MAGI2: variants seen among roughly 807,000 people sequenced by gnomAD.
MAGI2 encodes membrane associated guanylate kinase, WW and PDZ domain containing 2, also known as membrane-associated guanylate kinase, WW and PDZ domain-containing protein 2.
A neutral mutation model predicts 133.3 loss-of-function variants in MAGI2; 35 were observed. That is an observed-to-expected ratio of 0.26 (90% CI 0.20 to 0.35). The LOEUF (loss-of-function observed/expected upper bound fraction) is 0.35. Ranked by LOEUF, MAGI2 falls within the 10% of genes least tolerant of loss-of-function variation. The pLI is 1.00. For missense variants in MAGI2, 1,636 were observed against 1,863.4 expected, an observed-to-expected ratio of 0.88 and a Z score of 2.25; for synonymous variants, 729 against 710.6, an observed-to-expected ratio of 1.03 and a Z score of -0.41.
intron 3 of MAGI2, among the ~76,000 whole-genome samples, chr7:78,600,172 A>C (rs539986265): frequency 5.9e-5 from 9 of 152,312 alleles, no homozygotes; most frequent in Admixed American, 5.2e-4. Context: ...AAATACATAA[A>C]GAATTAAACA....
At chr7:78,439,519 GGGACCTTTGA>G (rs1787389899) in intron 6 of MAGI2, among the ~76,000 whole-genome samples, 1 of 152,108 alleles carries the variant, frequency 6.6e-6, no homozygotes, top group Non-Finnish European at 1.5e-5. Flanking sequence ...AGTAAGATGT[GGGACCTTTGA>G]GGAGGGGGCA....
chr7:78,909,205 A>G (rs1217650803), intron 2 of MAGI2, among the ~76,000 whole-genome samples: 1 of 151,086 alleles, frequency 6.6e-6, no homozygotes, highest in East Asian at 1.9e-4. Flanking sequence ...CAACAAACAT[A>G]TAAAAAGAAG....
chr7:78,024,787 A>G (rs1808752949), intron 21 of MAGI2, among the ~76,000 whole-genome samples: 1 of 151,960 alleles, frequency 6.6e-6, no homozygotes, highest in Non-Finnish European at 1.5e-5. Flanking sequence ...TTCAGAAAAG[A>G]GAAGTATAGT....
At chr7:78,335,986 G>A (rs2151164549) in intron 9 of MAGI2, among the ~76,000 whole-genome samples, 1 of 152,262 alleles carries the variant, frequency 6.6e-6, no homozygotes, top group East Asian at 1.9e-4. Flanking sequence ...TATAGGTCAT[G>A]TCTAAACCGT....
intron 6 of MAGI2, among the ~76,000 whole-genome samples, chr7:78,387,751 A>G (rs1795517152): frequency 6.6e-6 from 1 of 151,988 alleles, no homozygotes; most frequent in South Asian, 2.1e-4. Context: ...ACATGGTGAA[A>G]CCCCATCTCT....
At chr7:78,464,964 G>A (rs1790466659) in intron 6 of MAGI2, among the ~76,000 whole-genome samples, 1 of 152,022 alleles carries the variant, frequency 6.6e-6, no homozygotes, top group Non-Finnish European at 1.5e-5. Context: ...TACTATCATA[G>A]TGCGTATTAT....
chr7:78,959,109 T>G (rs183847022), intron 2 of MAGI2, among the ~76,000 whole-genome samples: 1 of 152,258 alleles, frequency 6.6e-6, no homozygotes, highest in East Asian at 1.9e-4. Context: ...TTTTTATTTT[T>G]TAATAATCTT....
At chr7:78,786,198 C>T (rs898354673) in intron 2 of MAGI2, among the ~76,000 whole-genome samples, 2 of 152,066 alleles carry the variant, frequency 1.3e-5, no homozygotes, top group Non-Finnish European at 2.9e-5. Context: ...TCTCACTCCT[C>T]GCAGCAAATC....
At chr7:78,098,215 C>T (rs773363752) in intron 20 of MAGI2, among the ~76,000 whole-genome samples, 1 of 152,126 alleles carries the variant, frequency 6.6e-6, no homozygotes, top group Non-Finnish European at 1.5e-5. Flanking sequence ...CCTCTCCTCA[C>T]AAAGGTAACG....
At chr7:78,600,294 A>G (rs1584794378) in intron 3 of MAGI2, among the ~76,000 whole-genome samples, 1 of 152,300 alleles carries the variant, frequency 6.6e-6, no homozygotes. Context: ...GCAAATCAAG[A>G]ATAACACAAT....
intron 1 of MAGI2, among the ~76,000 whole-genome samples, chr7:79,398,014 T>C (rs1845185030): frequency 6.6e-6 from 1 of 152,226 alleles, no homozygotes; most frequent in Non-Finnish European, 1.5e-5. Flanking sequence ...GAATTATTTA[T>C]TCTCATATGT....
At chr7:78,263,334 C>T in intron 9 of MAGI2, among the ~76,000 whole-genome samples, 1 of 152,158 alleles carries the variant, frequency 6.6e-6, no homozygotes, top group East Asian at 1.9e-4. Context: ...GATATATACC[C>T]AGTAATGGGA....
chr7:78,824,369 T>A (rs1790440790), intron 2 of MAGI2, among the ~76,000 whole-genome samples: 1 of 152,192 alleles, frequency 6.6e-6, no homozygotes, highest in Non-Finnish European at 1.5e-5. Flanking sequence ...TCCACAGTGG[T>A]TGAACTAATT....
intron 2 of MAGI2, among the ~76,000 whole-genome samples, chr7:78,711,762 G>A (rs1819213692): frequency 6.6e-6 from 1 of 152,210 alleles, no homozygotes; most frequent in Non-Finnish European, 1.5e-5. Flanking sequence ...AAGTTTGATA[G>A]AAGAGAGCGT....
At chr7:78,502,878 T>C (rs1279444274) in intron 4 of MAGI2, among the ~76,000 whole-genome samples, 1 of 151,992 alleles carries the variant, frequency 6.6e-6, no homozygotes, top group Non-Finnish European at 1.5e-5. Context: ...CGACAAACAA[T>C]AGAAGAAAAT....
At chr7:78,612,162 T>C (rs1806521989) in intron 3 of MAGI2, among the ~76,000 whole-genome samples, 1 of 152,148 alleles carries the variant, frequency 6.6e-6, no homozygotes, top group Non-Finnish European at 1.5e-5. Flanking sequence ...GTTATAAACA[T>C]TTACATGAAA....
chr7:79,182,561 A>T (rs1235436239), intron 1 of MAGI2, among the ~76,000 whole-genome samples: 3 of 151,970 alleles, frequency 2.0e-5, no homozygotes, highest in Non-Finnish European at 2.9e-5. Context: ...CATGACAGAA[A>T]ATTGGACTCT....
chr7:79,357,478 A>G (rs1842095633), intron 1 of MAGI2, among the ~76,000 whole-genome samples: 1 of 152,220 alleles, frequency 6.6e-6, no homozygotes, highest in Non-Finnish European at 1.5e-5. Flanking sequence ...AAAAGTAAGT[A>G]CCATCACTTT....
At chr7:79,423,078 T>C (rs112237861) in intron 1 of MAGI2, among the ~76,000 whole-genome samples, 2 of 152,070 alleles carry the variant, frequency 1.3e-5, no homozygotes, top group African/African-American at 2.4e-5. Context: ...TTGCCATAAT[T>C]TGTATGTCGT....
Sources: allele counts gnomAD v4.1 joint callset (sites outside exome capture counted in the v4.1 genomes callset), GRCh38; gene constraint gnomAD v4.1.1; transcripts MANE v1.5; gene names NCBI Gene and HGNC (gene_info 2026-07-23, HGNC 2026-07-21).